The following SSBP4 variants were observed in gnomAD, a reference collection of about 807,000 sequenced individuals.
SSBP4 encodes single stranded DNA binding protein 4.
In SSBP4, 33 loss-of-function variants were observed where a neutral mutation model predicts 64.6. The observed-to-expected ratio is 0.51, with a 90% CI of 0.39 to 0.68. SSBP4 has a LOEUF of 0.68. SSBP4 is among the 30% of genes least tolerant of loss of function. The probability of loss-of-function intolerance (pLI) is 0.00; values close to 1 mark genes in which losing one functional copy is unlikely to be tolerated. For missense variants in SSBP4, 583 were observed against 566.8 expected, an observed-to-expected ratio of 1.03 and a Z score of -0.29; for synonymous variants, 243 against 224.0, an observed-to-expected ratio of 1.08 and a Z score of -0.76.
At chr19:18,429,266 C>T (rs1183103940) in intron 4 of SSBP4, among the ~76,000 whole-genome samples, 7 of 151,694 alleles carry the variant, frequency 4.6e-5, no homozygotes, top group Admixed American at 3.3e-4. Context: ...CTCTGTTCGC[C>T]CCTCCCCGGC....
Position 18,433,795 on chromosome 19 carries a change from T to A in SSBP4, c.1106T>A (p.Leu369Gln). ...GAGATGGCGGCCGCCGGGACCTTCC[T>A]GCACCCGTTCCCGAGCGAAAGCGTA... Reference protein sequence around the residue: ...DGEMAAAGTFLHPFPSESYSP... With the variant: ...DGEMAAAGTFQHPFPSESYSP... Residue 369 changes from leucine (L) to glutamine (Q), a missense_variant, in exon 17 of 18, where the codon CTG becomes CAG. Leu to Gln is a moderately radical substitution (Grantham distance 113, BLOSUM62 -2). This residue lies in a region of SSBP4 where 31 missense variants were observed against 58.5 expected (regional missense o/e 0.53). Coordinates refer to ENST00000270061, the MANE Select transcript of SSBP4 (RefSeq NM_032627.5). The A allele has an allele frequency of 7.0e-7, 1 of 1,419,904 alleles. No homozygotes were observed. The highest frequency in any genetic ancestry group is 9.2e-7 in the Non-Finnish European group (1 of 1,090,484). 88.0% of individuals were successfully genotyped at this position (1,419,904 alleles called of 1,614,324 possible).
intron 1 of SSBP4, chr19:18,420,078 C>T (rs1972330413): frequency 6.5e-6 from 1 of 152,912 alleles, no homozygotes; most frequent in African/African-American, 2.4e-5. Context: ...GTCGCGAGGC[C>T]TCCTCGAGAC....
chr19:18,404,987 C>A, the SSBP4 span, among the ~76,000 whole-genome samples: 2 of 118,328 alleles, frequency 1.7e-5, no homozygotes, highest in Admixed American at 8.3e-5. Context: ...GCCCAGAGGC[C>A]CCCCCCCCCG....
At chr19:18,429,045 C>T (rs915712158) in intron 4 of SSBP4, among the ~76,000 whole-genome samples, 3 of 152,192 alleles carry the variant, frequency 2.0e-5, no homozygotes, top group African/African-American at 4.8e-5. Flanking sequence ...CAGCGGTTAC[C>T]ATGGCAGCGC....
intron 4 of SSBP4, 66 bp downstream of exon 4, chr19:18,428,048 A>C: frequency 8.7e-6 from 4 of 459,992 alleles, no homozygotes; most frequent in Non-Finnish European, 1.4e-5. Flanking sequence ...GTGGCTGGGG[A>C]GGTGGGGTGG....
upstream of SSBP4, among the ~76,000 whole-genome samples, chr19:18,416,213 C>T (rs1187117408): frequency 6.6e-6 from 1 of 152,118 alleles, no homozygotes; most frequent in Non-Finnish European, 1.5e-5. Flanking sequence ...GGGGGTTTCA[C>T]CATGTTGTTT....
chr19:18,433,799 C>A lies in SSBP4; in HGVS notation c.1110C>A (p.His370Gln). 3 of 1,442,876 alleles carry A rather than the reference C, an allele frequency of 2.1e-6. No individual in the cohort carries two copies. Among genetic ancestry groups the A allele is most frequent in the Non-Finnish European group, 2.7e-6 (3 of 1,102,628 alleles). The allele number at this position is 1,442,876 out of a possible 1,614,324, so 89.4% of individuals were successfully genotyped here. The change falls in exon 17 of 18, where the codon CAC (histidine) becomes CAA (glutamine). Residue 370 changes from histidine (H) to glutamine (Q), a missense_variant. Physicochemically the swap from His to Gln is conservative, Grantham distance 24 (BLOSUM62 0). This residue lies in a region of SSBP4 where 31 missense variants were observed against 58.5 expected (regional missense o/e 0.53). Coordinates refer to ENST00000270061, the MANE Select transcript of SSBP4 (RefSeq NM_032627.5). Reference protein sequence around the residue: ...GEMAAAGTFLHPFPSESYSPG... With the variant: ...GEMAAAGTFLQPFPSESYSPG... ...TGGCGGCCGCCGGGACCTTCCTGCA[C>A]CCGTTCCCGAGCGAAAGCGTAAGCG...
chr19:18,418,660 T>A (rs1443788142), upstream of SSBP4, among the ~76,000 whole-genome samples: 3 of 152,146 alleles, frequency 2.0e-5, no homozygotes, highest in Non-Finnish European at 4.4e-5. The surrounding 1 kb of genome is among the most constrained non-coding windows in gnomAD (Gnocchi z 6.7). Flanking sequence ...CTGGGTTGTG[T>A]CTGTGTTGTG....
intron 15 of SSBP4, 110 bp from the exon 16 acceptor site, chr19:18,433,475 G>A: frequency 2.2e-6 from 2 of 917,202 alleles, no homozygotes; most frequent in Non-Finnish European, 2.9e-6. Flanking sequence ...GGCTGTGCGG[G>A]GCGGGGGCGC....
the SSBP4 span, among the ~76,000 whole-genome samples, chr19:18,407,581 G>A: frequency 1.3e-5 from 2 of 150,274 alleles, no homozygotes; most frequent in Admixed American, 6.6e-5. Context: ...ACAGGCGCCC[G>A]CCACCACGCC....
chr19:18,433,534 G>T (rs1354629290), intron 15 of SSBP4, 51 bp from the exon 16 acceptor site: 4 of 1,545,172 alleles, frequency 2.6e-6, no homozygotes, highest in Non-Finnish European at 3.5e-6. Flanking sequence ...AGGCCGAGGG[G>T]CATGGCGCCA....
chr19:18,432,604 G>T lies in SSBP4; in HGVS notation c.750G>T (p.Ser250=). The change falls in exon 11 of 18, where the codon TCG becomes TCT. Residue 250 remains serine (S), a splice_region_variant and synonymous_variant. Transcript: ENST00000270061. ...CGTGGGCCAGCCCCAGTGGAAACTC[G>T]GTGAGCCTATGGCTGGGTGGGCAGG... ...RGPWASPSGN[S]IPYSSSSPGS... 1 of 1,570,312 alleles carries T rather than the reference G, an allele frequency of 6.4e-7. No homozygotes were observed. Among genetic ancestry groups the T allele is most frequent in the Non-Finnish European group, 8.7e-7 (1 of 1,154,768 alleles).
chr19:18,413,677 C>T, the SSBP4 span, among the ~76,000 whole-genome samples: 5 of 152,198 alleles, frequency 3.3e-5, no homozygotes, highest in Non-Finnish European at 5.9e-5. Flanking sequence ...AAATGAAGCT[C>T]AGTCCTGTCG....
chr19:18,434,156 G>A (rs1304039107), intron 17 of SSBP4, 61 bp from the exon 18 acceptor site: 3 of 1,606,680 alleles, frequency 1.9e-6, no homozygotes, highest in Non-Finnish European at 2.5e-6. Context: ...CTGGGGGCGG[G>A]TCCCAGCCTC....
the SSBP4 span, among the ~76,000 whole-genome samples, chr19:18,404,784 G>A: frequency 4.8e-5 from 7 of 147,290 alleles, no homozygotes; most frequent in Non-Finnish European, 7.5e-5. Context: ...CCCAGCTACC[G>A]GGGAGGCTGA....
chr19:18,428,854 C>T (rs1482505394), intron 4 of SSBP4, among the ~76,000 whole-genome samples: 3 of 152,214 alleles, frequency 2.0e-5, no homozygotes, highest in African/African-American at 7.2e-5. Flanking sequence ...TCCCACTACT[C>T]GTGTGTGGTC....
intron 6 of SSBP4, 104 bp downstream of exon 6, chr19:18,431,522 G>A (rs746206379): frequency 2.1e-5 from 29 of 1,366,682 alleles, no homozygotes; most frequent in Middle Eastern, 2.3e-4. Flanking sequence ...CCAGCTGGCC[G>A]GGCTTTGCTG....
the SSBP4 span, among the ~76,000 whole-genome samples, chr19:18,403,723 G>T: frequency 8.0e-5 from 12 of 150,790 alleles, no homozygotes; most frequent in Admixed American, 4.0e-4. Flanking sequence ...GGGGGTCTTG[G>T]GGTCTGGGGG....
chr19:18,431,157 G>C (rs6512267), intron 5 of SSBP4, among the ~76,000 whole-genome samples, 196 bp from the exon 6 acceptor site: 1 of 151,936 alleles, frequency 6.6e-6, no homozygotes, highest in Non-Finnish European at 1.5e-5. Context: ...ACATGTGTGC[G>C]CACAGGGTGC....
Sources: gnomAD v4.1 joint callset for allele counts (sites outside exome capture counted in the v4.1 genomes callset) on GRCh38, gnomAD v4.1.1 for gene constraint, gnomAD v4.1.1 regional missense constraint, Gnocchi (gnomAD v3.1) non-coding constraint, MANE v1.5 for transcripts, NCBI Gene and HGNC (gene_info 2026-07-23, HGNC 2026-07-21) for gene names.